The following SLC36A1 variants were observed in gnomAD, a reference collection of about 807,000 sequenced individuals.
SLC36A1 encodes proton-coupled amino acid transporter 1.
A neutral mutation model predicts 47.5 loss-of-function variants in SLC36A1; 30 were observed. The observed-to-expected ratio is 0.63, with a 90% CI of 0.47 to 0.86. The LOEUF is 0.86. Ranked by LOEUF, SLC36A1 falls within the 40% of genes least tolerant of loss-of-function variation. The pLI is 0.00. For missense variants in SLC36A1, 517 were observed against 606.0 expected (o/e 0.85, Z 1.54); for synonymous variants, 255 against 249.7 (o/e 1.02, Z -0.20).
the SLC36A1 span, chr5:151,542,313 C>G: frequency 8.1e-6 from 13 of 1,609,614 alleles, no homozygotes; most frequent in Non-Finnish European, 1.1e-5. Flanking sequence ...CCTGCCTGTT[C>G]TGCTCAGAAA....
At chr5:151,415,330 A>G in the SLC36A1 span, among the ~76,000 whole-genome samples, 1 of 152,232 alleles carries the variant, frequency 6.6e-6, no homozygotes, top group Non-Finnish European at 1.5e-5. Flanking sequence ...TAACTTGCCT[A>G]CAAGTCACTG....
chr5:151,353,700 A>T, the SLC36A1 span, among the ~76,000 whole-genome samples: 42,304 of 151,838 alleles, frequency 0.28, 7,525 homozygotes, highest in African/African-American at 0.5. Flanking sequence ...CCTAAAAATC[A>T]TCTGTGCTCT....
intron 2 of SLC36A1, among the ~76,000 whole-genome samples, chr5:151,460,220 C>T (rs149366715): frequency 9.7e-4 from 147 of 152,292 alleles, no homozygotes; most frequent in African/African-American, 3.0e-3. Flanking sequence ...TGCTTGTTAT[C>T]GTAAGATACT....
chr5:151,422,942 C>T, the SLC36A1 span, among the ~76,000 whole-genome samples: 1 of 151,900 alleles, frequency 6.6e-6, no homozygotes, highest in Non-Finnish European at 1.5e-5. Flanking sequence ...ACCCTGTGCC[C>T]CACTCCACTC....
the SLC36A1 span, among the ~76,000 whole-genome samples, chr5:151,379,472 T>G: frequency 6.6e-6 from 1 of 152,224 alleles, no homozygotes; most frequent in Non-Finnish European, 1.5e-5. Context: ...TAGCTGGGAT[T>G]ACAGGCATGC....
At chr5:151,367,095 C>G in the SLC36A1 span, among the ~76,000 whole-genome samples, 4 of 151,100 alleles carry the variant, frequency 2.6e-5, no homozygotes, top group African/African-American at 9.9e-5. Flanking sequence ...CAACAAAGAT[C>G]ACAGGGCAAA....
chr5:151,518,301 A>G, the SLC36A1 span, among the ~76,000 whole-genome samples: 3 of 151,470 alleles, frequency 2.0e-5, no homozygotes, highest in African/African-American at 7.3e-5. Flanking sequence ...GTGAACCATG[A>G]TCTTGCCACT....
At chr5:151,524,513 C>T in the SLC36A1 span, among the ~76,000 whole-genome samples, 5 of 152,208 alleles carry the variant, frequency 3.3e-5, no homozygotes, top group African/African-American at 7.2e-5. Flanking sequence ...GCTGGCACCC[C>T]GATCTGGGAC....
the SLC36A1 span, among the ~76,000 whole-genome samples, chr5:151,522,556 T>TTCTAGTCAG: frequency 6.6e-6 from 1 of 152,340 alleles, no homozygotes; most frequent in Admixed American, 6.5e-5. Flanking sequence ...GGATTTGTCC[T>TTCTAGTCAG]TCTAGTCAGT....
At chr5:151,384,972 A>ATGTG in the SLC36A1 span, among the ~76,000 whole-genome samples, 364 of 142,262 alleles carry the variant, frequency 2.6e-3, 5 homozygotes, top group African/African-American at 8.7e-3. Flanking sequence ...TGAGGTGTGT[A>ATGTG]TGTGTGTGTG....
chr5:151,476,995 C>T (rs1451917186), intron 9 of SLC36A1: 2 of 643,076 alleles, frequency 3.1e-6, no homozygotes, highest in Admixed American at 4.2e-5. Flanking sequence ...GCCATTTCTC[C>T]TTGGAATTCC....
chr5:151,431,197 T>C, the SLC36A1 span: 1 of 152,166 alleles, frequency 6.6e-6, no homozygotes, highest in Non-Finnish European at 1.5e-5. Context: ...GCTCTTTGGA[T>C]TACTAGAAAG....
chr5:151,465,898 C>A (rs1756287370), intron 5 of SLC36A1, among the ~76,000 whole-genome samples: 1 of 149,764 alleles, frequency 6.7e-6, no homozygotes, highest in South Asian at 2.1e-4. Flanking sequence ...TGTTTGTTTT[C>A]TACATTTAAA....
the SLC36A1 span, among the ~76,000 whole-genome samples, chr5:151,421,473 C>A: frequency 1.3e-5 from 2 of 150,352 alleles, no homozygotes; most frequent in Non-Finnish European, 3.0e-5. Flanking sequence ...CACTCCTGTG[C>A]TCAAGTGATC....
chr5:151,432,738 C>A (rs1290729765), upstream of SLC36A1, among the ~76,000 whole-genome samples: 2 of 152,104 alleles, frequency 1.3e-5, no homozygotes, highest in Non-Finnish European at 2.9e-5. Flanking sequence ...AGACCAGCAG[C>A]ATGAGAAGGG....
chr5:151,546,775 G>C, the SLC36A1 span, among the ~76,000 whole-genome samples: 8 of 151,762 alleles, frequency 5.3e-5, no homozygotes, highest in Non-Finnish European at 1.2e-4. Context: ...CTGGAATGTA[G>C]TGATGTGAGC....
chr5:151,408,789 C>A, the SLC36A1 span, among the ~76,000 whole-genome samples: 1 of 152,082 alleles, frequency 6.6e-6, no homozygotes, highest in African/African-American at 2.4e-5. Context: ...GAGATATCAG[C>A]CATGAAAATA....
At chr5:151,453,218 AAAAT>A (rs1464652554) in intron 1 of SLC36A1, among the ~76,000 whole-genome samples, 24 of 152,176 alleles carry the variant, frequency 1.6e-4, no homozygotes, top group African/African-American at 5.8e-4. Context: ...TAAATAAATT[AAAAT>A]AAATAAATAA....
chr5:151,462,269 A>G (rs1222556141), intron 2 of SLC36A1, among the ~76,000 whole-genome samples: 3 of 152,210 alleles, frequency 2.0e-5, no homozygotes, highest in Admixed American at 6.5e-5. Flanking sequence ...TGAAGATGTT[A>G]ACATTTGGAA....
Sources: gnomAD v4.1 joint callset for allele counts (sites outside exome capture counted in the v4.1 genomes callset) on GRCh38, gnomAD v4.1.1 for gene constraint, MANE v1.5 for transcripts, NCBI Gene and HGNC (gene_info 2026-07-23, HGNC 2026-07-21) for gene names.